WSCD1: variants seen among roughly 807,000 people sequenced by gnomAD.
The protein encoded by WSCD1 is sialate:O-sulfotransferase 1.
A neutral mutation model predicts 60.4 loss-of-function variants in WSCD1; 41 were observed. That is an observed-to-expected ratio of 0.68 (90% CI 0.53 to 0.88). The LOEUF is 0.88. Ranked by LOEUF, WSCD1 falls within the 40% of genes least tolerant of loss-of-function variation. The probability of loss-of-function intolerance (pLI) is 0.00; values close to 1 mark genes in which losing one functional copy is unlikely to be tolerated. For missense variants in WSCD1, 784 were observed against 796.2 expected (o/e 0.98, Z 0.18); for synonymous variants, 361 against 332.5 (o/e 1.09, Z -0.93).
intron 7 of WSCD1, among the ~76,000 whole-genome samples, chr17:6,111,355 G>T (rs1170987908): frequency 2.0e-5 from 3 of 152,104 alleles, no homozygotes; most frequent in East Asian, 3.9e-4. Context: ...ATTGGAAGAG[G>T]TGACTGTTCC....
chr17:6,106,960 A>G (rs1033303751), intron 5 of WSCD1, among the ~76,000 whole-genome samples: 1 of 152,198 alleles, frequency 6.6e-6, no homozygotes, highest in African/African-American at 2.4e-5. Flanking sequence ...GCATTCATCA[A>G]CTTGGCTGCT....
Position 6,090,454 on chromosome 17 carries a change from G to C in WSCD1, c.676G>C (p.Asp226His). 2 of 1,613,506 alleles carry C rather than the reference G, an allele frequency of 1.2e-6. No homozygotes were observed. The highest frequency in any genetic ancestry group is 1.7e-6 in the Non-Finnish European group (2 of 1,179,754). The change falls in exon 4 of 9, where the codon GAC becomes CAC. Residue 226 changes from aspartate to histidine, a missense_variant. Physicochemically the swap from Asp to His is moderately conservative, Grantham distance 81 (BLOSUM62 -1). Coordinates refer to ENST00000317744, the MANE Select transcript of WSCD1 (RefSeq NM_015253.2). ...GEKGSVCGAVDRLSVYRVDEL... is the reference protein window; with the variant it reads ...GEKGSVCGAVHRLSVYRVDEL... ...GAAGGGCTCTGTGTGCGGGGCTGTG[G>C]ACCGGCTCTCCGTGTACCGTGTGGA...
rs748107063 is a variant in WSCD1, at chr17:6,120,874, C to T, written c.*213C>T. 1.0e-5 allele frequency: 6 copies of T among 588,418 alleles called. No individual in the cohort carries two copies. Among genetic ancestry groups the T allele is most frequent in the Non-Finnish European group, 1.8e-5 (6 of 334,566 alleles). 36.4% of individuals were successfully genotyped at this position (588,418 alleles called of 1,614,324 possible). A position where few individuals can be genotyped will look rare whatever the true frequency, so the allele number is the denominator to read the frequency against. ...GGACACACATACCTGGCCACGAACC[C>T]ACACCTCCTCAGACACTCAGACACC... On this transcript the variant is annotated 3_prime_UTR_variant, in exon 9 of 9. Coordinates refer to ENST00000317744, the MANE Select transcript of WSCD1 (RefSeq NM_015253.2).
intron 4 of WSCD1, among the ~76,000 whole-genome samples, chr17:6,094,374 A>G (rs1597359839): frequency 6.6e-6 from 1 of 152,234 alleles, no homozygotes; most frequent in African/African-American, 2.4e-5. Flanking sequence ...TATGACTCCA[A>G]CGGCACAGCA....
At chr17:6,072,692 G>T (rs1908616485) in intron 1 of WSCD1, among the ~76,000 whole-genome samples, 1 of 152,212 alleles carries the variant, frequency 6.6e-6, no homozygotes, top group South Asian at 2.1e-4. Context: ...TGCTCATCTG[G>T]GGAATGAGGG....
chr17:6,081,252 G>T (rs1276457699), intron 2 of WSCD1, among the ~76,000 whole-genome samples, 167 bp downstream of exon 2: 2 of 152,178 alleles, frequency 1.3e-5, no homozygotes, highest in Non-Finnish European at 1.5e-5. Flanking sequence ...GTCCTTCAGG[G>T]TTTTGCTCAC....
intron 4 of WSCD1, among the ~76,000 whole-genome samples, chr17:6,091,896 C>G (rs1434261853): frequency 1.3e-5 from 2 of 152,196 alleles, no homozygotes; most frequent in Non-Finnish European, 2.9e-5. Context: ...GTGGCTCACG[C>G]CTGTAATCCC....
chr17:6,115,187 G>T (rs1911626060), intron 7 of WSCD1, among the ~76,000 whole-genome samples: 1 of 152,180 alleles, frequency 6.6e-6, no homozygotes. Flanking sequence ...ACCCCACTTA[G>T]AGCGGAACTT....
upstream of WSCD1, among the ~76,000 whole-genome samples, chr17:6,069,592 G>A (rs1315565693): frequency 1.3e-5 from 2 of 151,866 alleles, no homozygotes; most frequent in South Asian, 2.1e-4. Flanking sequence ...ATAAGCCGGC[G>A]GCCGACCCCC....
chr17:6,069,420 TGTGTGTGTGAGAGA>T (rs918413121), upstream of WSCD1: 34 of 324,656 alleles, frequency 1.0e-4, no homozygotes, highest in African/African-American at 6.9e-4. Flanking sequence ...TGTGTGTGTG[TGTGTGTGTGAGAGA>T]GAGAGAGAGA....
At chr17:6,104,331 G>A (rs1175650109) in intron 5 of WSCD1, among the ~76,000 whole-genome samples, 3 of 152,148 alleles carry the variant, frequency 2.0e-5, no homozygotes, top group African/African-American at 7.2e-5. Context: ...GAGATTTGGA[G>A]GGGACACACA....
chr17:6,106,533 A>G (rs913560597), intron 5 of WSCD1, among the ~76,000 whole-genome samples: 4 of 152,254 alleles, frequency 2.6e-5, no homozygotes, highest in Admixed American at 2.6e-4. Context: ...GATTCTATTT[A>G]TATGACATTC....
In WSCD1 at chr17:6,070,657, G is replaced by C. The variant is rs546384923; in HGVS notation, c.-289+5G>C. On this transcript the variant is annotated splice_donor_5th_base_variant and intron_variant, in intron 1 of 8. Coordinates refer to ENST00000317744, the MANE Select transcript of WSCD1 (RefSeq NM_015253.2). ...CCAGCCGGCCGCGATCGCGGGGTGA[G>C]TCCTGTCTCTCGGCGCTCCAGCCGG... 6.6e-6 allele frequency: 1 copy of C among 150,608 alleles called. No homozygotes were observed. Among genetic ancestry groups the C allele is most frequent in the Admixed American group, 6.6e-5 (1 of 15,164 alleles). The allele number at this position is 150,608 out of a possible 1,614,324, so 9.3% of individuals were successfully genotyped here. A position where few individuals can be genotyped will look rare whatever the true frequency, so the allele number is the denominator to read the frequency against.
At chr17:6,069,824 G>A (rs151290437), upstream of WSCD1, among the ~76,000 whole-genome samples, 71 of 150,720 alleles carry the variant, frequency 4.7e-4, 1 homozygote, top group African/African-American at 1.6e-3. Flanking sequence ...GTGTGTGTGT[G>A]TATTAGAGTG....
At chr17:6,073,995 C>G (rs1294681220) in intron 1 of WSCD1, among the ~76,000 whole-genome samples, 1 of 152,202 alleles carries the variant, frequency 6.6e-6, no homozygotes, top group Non-Finnish European at 1.5e-5. Context: ...GTGGGAAGAT[C>G]ACTCATTCAT....
chr17:6,118,300 T>A lies in WSCD1; in HGVS notation c.1375+112T>A. The A allele has an allele frequency of 8.5e-7, 1 of 1,181,182 alleles. No homozygotes were observed. The highest frequency in any genetic ancestry group is 1.2e-6 in the Non-Finnish European group (1 of 838,936). The allele number at this position is 1,181,182 out of a possible 1,614,324, so 73.2% of individuals were successfully genotyped here. ...GGCACTGCAGGATGCAGGATCAGTA[T>A]ACACAGGTAGGCACTCAAACCCCAT... On this transcript the variant is annotated intron_variant, in intron 8 of 8. Coordinates refer to ENST00000317744, the MANE Select transcript of WSCD1 (RefSeq NM_015253.2). This position sits in a 1 kb window ranked among gnomAD's most constrained non-coding sequence, Gnocchi z 5.8.
intron 5 of WSCD1, among the ~76,000 whole-genome samples, chr17:6,107,419 T>C (rs1317785933): frequency 6.6e-6 from 1 of 151,956 alleles, no homozygotes; most frequent in Non-Finnish European, 1.5e-5. Context: ...GACAATCGCT[T>C]GAACCCGGGA....
chr17:6,120,777 C>A lies in WSCD1; in HGVS notation c.*116C>A. On this transcript the variant is annotated 3_prime_UTR_variant, in exon 9 of 9. Transcript: ENST00000317744. Reference sequence around the variant, plus strand: ...ACTGGGACGAACGGTGGGTGGGGGGCTCACCCTGGTGCTGCCTCCCGCACA... The same window carrying A: ...ACTGGGACGAACGGTGGGTGGGGGGATCACCCTGGTGCTGCCTCCCGCACA... 2 of 1,122,014 alleles carry A rather than the reference C, an allele frequency of 1.8e-6. No homozygotes were observed. The highest frequency in any genetic ancestry group is 2.5e-6 in the Non-Finnish European group (2 of 803,456). 69.5% of individuals were successfully genotyped at this position (1,122,014 alleles called of 1,614,324 possible). A position where few individuals can be genotyped will look rare whatever the true frequency, so the allele number is the denominator to read the frequency against.
In WSCD1 at chr17:6,092,152, T is replaced by C. The variant is rs1238750135; in HGVS notation, c.727+1647T>C. Among the ~76,000 whole-genome samples the C allele has an allele frequency of 1.7e-4, 15 of 87,844 alleles. No individual in the cohort carries two copies. The East Asian group carries it at 2.4e-3, about 14-fold the overall frequency. The allele number at this position is 87,844 out of a possible 152,430, so 57.6% of individuals were successfully genotyped here. A position where few individuals can be genotyped will look rare whatever the true frequency, so the allele number is the denominator to read the frequency against. On this transcript the variant is annotated intron_variant, in intron 4 of 8. Coordinates refer to ENST00000317744, the MANE Select transcript of WSCD1 (RefSeq NM_015253.2). ...CTGGGCGACAGAGTGAGACTCTGTCTCCAAAAAAAAAAAAAAAAAAAAGGT... is the reference window on the plus strand; with the variant it reads ...CTGGGCGACAGAGTGAGACTCTGTCCCCAAAAAAAAAAAAAAAAAAAAGGT...
Sources: allele counts gnomAD v4.1 joint callset (sites outside exome capture counted in the v4.1 genomes callset), GRCh38; gene constraint gnomAD v4.1.1; non-coding constraint Gnocchi (gnomAD v3.1); transcripts MANE v1.5; gene names NCBI Gene and HGNC (gene_info 2026-07-23, HGNC 2026-07-21).